Variants in MRPS6 observed in about 807,000 individuals in gnomAD.
MRPS6 encodes the protein small ribosomal subunit protein bS6m.
In MRPS6, 6 loss-of-function variants were observed where a neutral mutation model predicts 13.1. The ratio of observed to expected loss-of-function variants is 0.46; its 90% CI spans 0.25 to 0.91. The LOEUF is 0.91. Ranked by LOEUF, MRPS6 falls within the 40% of genes least tolerant of loss-of-function variation. The pLI is 0.18. For synonymous variants in MRPS6, 61 were observed against 56.5 expected (o/e 1.08, Z -0.36); for missense variants, 164 against 155.6 (o/e 1.05, Z -0.29).
chr21:34,142,805 T>TGG lies in MRPS6; in HGVS notation c.*205_*206insGG. On this transcript the variant is annotated 3_prime_UTR_variant, in exon 3 of 3. Coordinates refer to ENST00000399312, the MANE Select transcript of MRPS6 (RefSeq NM_032476.4). ...CTGACAGCTTCTCTGTAACCTGCAG[T>TGG]ACCAGTGGATCGTTCTTGATTTTGT... 1 of 469,898 alleles carries TGG rather than the reference T, an allele frequency of 2.1e-6. No individual in the cohort carries two copies. The highest frequency in any genetic ancestry group is 3.6e-5 in the East Asian group (1 of 27,858). 29.1% of individuals were successfully genotyped at this position (469,898 alleles called of 1,614,324 possible). A position where few individuals can be genotyped will look rare whatever the true frequency, so the allele number is the denominator to read the frequency against.
At chr21:34,101,180 C>T (rs1424341581) in intron 1 of MRPS6, 7 of 999,866 alleles carry the variant, frequency 7.0e-6, no homozygotes, top group South Asian at 4.7e-5. Context: ...GATATTAGCC[C>T]GTTGGTAAAA....
At chr21:34,135,141 G>A (rs1296368132) in intron 2 of MRPS6, among the ~76,000 whole-genome samples, 1 of 152,082 alleles carries the variant, frequency 6.6e-6, no homozygotes, top group Non-Finnish European at 1.5e-5. Flanking sequence ...GAGTAGTATG[G>A]CATTGTATGT....
intron 1 of MRPS6, among the ~76,000 whole-genome samples, chr21:34,080,755 C>T (rs1989441123): frequency 6.6e-6 from 1 of 152,180 alleles, no homozygotes; most frequent in African/African-American, 2.4e-5. Flanking sequence ...GTTTGTTCTG[C>T]TATGCTTTGC....
At chr21:34,101,015 G>A (rs751623809) in intron 1 of MRPS6, 7 of 1,000,044 alleles carry the variant, frequency 7.0e-6, no homozygotes, top group South Asian at 9.4e-5. Flanking sequence ...CACATGGGTC[G>A]TTGGTGGTGA....
chr21:34,083,470 G>A (rs1054970438), intron 1 of MRPS6, among the ~76,000 whole-genome samples: 6 of 152,198 alleles, frequency 3.9e-5, no homozygotes, highest in African/African-American at 1.4e-4. Context: ...AAATTTGAGT[G>A]TAGGCTCTGT....
intron 1 of MRPS6, among the ~76,000 whole-genome samples, chr21:34,121,030 A>AT (rs60624317): frequency 0.19 from 28,709 of 152,078 alleles, 5,289 homozygotes; most frequent in African/African-American, 0.48. Context: ...CTGTTCGATG[A>AT]GTGTGGCCCA....
In MRPS6 at chr21:34,096,540, C is replaced by T; in HGVS notation, c.45+22795C>T. On this transcript the variant is annotated intron_variant, in intron 1 of 2. Transcript: ENST00000399312. The surrounding 1 kb of genome is among the most constrained non-coding windows in gnomAD (Gnocchi z 5.9). Reference sequence around the variant, plus strand: ...TTACATTCAGGAGGTAGCAGATTACCTGACACCCCCAGTGGCAGCCTTGTT... The same window carrying T: ...TTACATTCAGGAGGTAGCAGATTACTTGACACCCCCAGTGGCAGCCTTGTT... 6.2e-7 allele frequency: 1 copy of T among 1,614,130 alleles called. No individual in the cohort carries two copies. Among genetic ancestry groups the T allele is most frequent in the Non-Finnish European group, 8.5e-7 (1 of 1,180,002 alleles).
At chr21:34,099,166 C>T in intron 1 of MRPS6, 1 of 999,340 alleles carries the variant, frequency 1.0e-6, no homozygotes, top group Non-Finnish European at 1.2e-6. Context: ...GCATGTATTT[C>T]TGAAGAGCTT....
At chr21:34,105,562 G>T (rs1013763548) in intron 1 of MRPS6, 1 of 999,732 alleles carries the variant, frequency 1.0e-6, no homozygotes, top group Non-Finnish European at 1.2e-6. Context: ...ATGATGCTTT[G>T]TTCAGATTTT....
intron 1 of MRPS6, chr21:34,100,370 C>T: frequency 2.9e-5 from 29 of 1,000,186 alleles, no homozygotes; most frequent in Non-Finnish European, 3.5e-5. Flanking sequence ...TCTGCCACCC[C>T]CAGAGAGTAA....
rs148723552 is a variant in MRPS6, at chr21:34,116,654, G to A, written c.46-8687G>A. Among the ~76,000 whole-genome samples the A allele has an allele frequency of 1.3e-3, 204 of 152,212 alleles. 6 individuals carry two copies. The East Asian group carries it at 0.032, about 24-fold the overall frequency. The stretch of plus-strand genomic sequence containing the variant: ...GAGTACTCAGACACAGGTATGCAGT[G>A]TAAGAGCAGCTAGTTGACTGCCTGG... On this transcript the variant is annotated intron_variant, in intron 1 of 2. Coordinates refer to ENST00000399312, the MANE Select transcript of MRPS6 (RefSeq NM_032476.4).
intron 2 of MRPS6, among the ~76,000 whole-genome samples, chr21:34,128,689 T>G (rs1980394182): frequency 6.6e-6 from 1 of 152,236 alleles, no homozygotes; most frequent in Non-Finnish European, 1.5e-5. Context: ...ACTTGATGGT[T>G]AAGTTCCCAG....
chr21:34,117,498 C>A (rs1426917103), intron 1 of MRPS6, among the ~76,000 whole-genome samples: 1 of 152,176 alleles, frequency 6.6e-6, no homozygotes, highest in Non-Finnish European at 1.5e-5. Context: ...TAGTAACTTA[C>A]AAGTGTCTGT....
chr21:34,105,957 T>C (rs1979457275), intron 1 of MRPS6: 1 of 993,154 alleles, frequency 1.0e-6, no homozygotes, highest in African/African-American at 1.7e-5. Context: ...ATTGTAAACA[T>C]GTATGATCTT....
intron 1 of MRPS6, chr21:34,099,410 C>A: frequency 1.0e-6 from 1 of 999,558 alleles, no homozygotes. Flanking sequence ...TTCAAAGGAA[C>A]TGTTCTTCCT....
At chr21:34,117,032 T>C (rs1283355136) in intron 1 of MRPS6, among the ~76,000 whole-genome samples, 1 of 152,156 alleles carries the variant, frequency 6.6e-6, no homozygotes, top group Non-Finnish European at 1.5e-5. Context: ...CTCTGACTGA[T>C]TCCCCACACT....
intron 1 of MRPS6, among the ~76,000 whole-genome samples, chr21:34,107,013 C>T (rs1395318209): frequency 6.6e-6 from 1 of 152,088 alleles, no homozygotes; most frequent in Non-Finnish European, 1.5e-5. Context: ...CTCACTGCAG[C>T]CTCTGTCTCC....
chr21:34,076,147 T>G (rs938651813), intron 1 of MRPS6, among the ~76,000 whole-genome samples: 1 of 152,214 alleles, frequency 6.6e-6, no homozygotes, highest in African/African-American at 2.4e-5. Context: ...ACAGCGGATA[T>G]GGAAGTTAAG....
At chr21:34,101,797 G>A (rs1979248476) in intron 1 of MRPS6, 1 of 997,092 alleles carries the variant, frequency 1.0e-6, no homozygotes, top group Non-Finnish European at 1.2e-6. Flanking sequence ...TTAATTCTCA[G>A]GAATGATTTT....
Sources: gnomAD v4.1 joint callset for allele counts (sites outside exome capture counted in the v4.1 genomes callset) on GRCh38, gnomAD v4.1.1 for gene constraint, Gnocchi (gnomAD v3.1) non-coding constraint, MANE v1.5 for transcripts, NCBI Gene and HGNC (gene_info 2026-07-23, HGNC 2026-07-21) for gene names.